Variants in CASK observed in about 807,000 individuals in gnomAD.
CASK encodes the protein peripheral plasma membrane protein CASK.
CASK carries 4 observed loss-of-function variants against 82.9 expected under a neutral mutation model. The ratio of observed to expected loss-of-function variants is 0.05; its 90% confidence interval spans 0.02 to 0.11. The LOEUF (loss-of-function observed/expected upper bound fraction) is 0.11, where lower values mean the gene tolerates loss of function less well. Ranked by LOEUF, CASK falls within the 10% of genes least tolerant of loss-of-function variation. The pLI is 1.00. For missense variants in CASK, 358 were observed against 720.9 expected (o/e 0.50, Z 5.76); for synonymous variants, 259 against 253.5 (o/e 1.02, Z -0.20).
At chrX:41,893,159 G>A (rs2072205308) in intron 1 of CASK, among the ~76,000 whole-genome samples, 1 of 112,037 alleles carries the variant, frequency 8.9e-6, no homozygotes, top group South Asian at 3.7e-4. Context: ...ATGGCGGAGT[G>A]AGGACCTCAG....
chrX:41,589,538 C>T lies in CASK; in HGVS notation c.1210G>A (p.Asp404Asn), dbSNP rs762462874. ...SSPQIRNPPSDAVQRAKEVLE... is the reference protein window; with the variant it reads ...SSPQIRNPPSNAVQRAKEVLE... ...ACCTCTTTGGCTCTCTGTACTGCAT[C>T]GCTTGGAGGATTCCTGATTTGTGGT... The change falls in exon 13 of 27, where the codon GAT (aspartate) becomes AAT (asparagine). Residue 404 changes from aspartate to asparagine, a missense_variant. Around this residue, in one of 5 missense-constraint regions of CASK, gnomAD observed 110 missense variants for 218.8 expected, o/e 0.50. Transcript: ENST00000378163. 39 of 1,201,097 alleles carry T rather than the reference C, an allele frequency of 3.2e-5. No individual in the cohort carries two copies. Among genetic ancestry groups the T allele is most frequent in the Non-Finnish European group, 4.4e-5 (39 of 887,200 alleles).
intron 5 of CASK, among the ~76,000 whole-genome samples, chrX:41,708,876 C>T (rs1425884408): frequency 9.1e-6 from 1 of 110,252 alleles, no homozygotes; most frequent in Non-Finnish European, 1.9e-5. Flanking sequence ...TTTTTTTCTC[C>T]AGATATTTCT....
At chrX:41,776,769 T>C (rs2069372921) in intron 3 of CASK, among the ~76,000 whole-genome samples, 1 of 112,446 alleles carries the variant, frequency 8.9e-6, no homozygotes, top group Non-Finnish European at 1.9e-5. Context: ...TAAAACTTTA[T>C]TGCAAGAAAT....
At chrX:41,739,578 A>G (rs2068560575) in intron 4 of CASK, 122 bp from the exon 5 acceptor site, 2 of 501,905 alleles carry the variant, frequency 4.0e-6, no homozygotes, top group Middle Eastern at 1.1e-3. Context: ...ATTTGATTTG[A>G]GCAGACAGGA....
chrX:41,578,172 T>C (rs868033135), intron 15 of CASK, among the ~76,000 whole-genome samples, 168 bp downstream of exon 15: 1 of 111,363 alleles, frequency 9.0e-6, no homozygotes, highest in Admixed American at 9.6e-5. Context: ...GGCAGAACAA[T>C]TCTAGAAAAG....
At chrX:41,785,450 G>A (rs768595299) in intron 3 of CASK, among the ~76,000 whole-genome samples, 4 of 112,048 alleles carry the variant, frequency 3.6e-5, no homozygotes, top group Admixed American at 9.5e-5. Flanking sequence ...CAGGGTGAAC[G>A]GGAGGAGTAT....
intron 3 of CASK, among the ~76,000 whole-genome samples, chrX:41,768,339 T>C (rs781313685): frequency 8.9e-6 from 1 of 112,023 alleles, no homozygotes; most frequent in African/African-American, 3.2e-5. Flanking sequence ...GGTGTGGGTA[T>C]GCTTTAGGCT....
intron 16 of CASK, chrX:41,562,402 CTCTGCA>C (rs1401326189): frequency 2.7e-5 from 3 of 111,897 alleles, no homozygotes; most frequent in Admixed American, 9.6e-5. Flanking sequence ...AAAAAGATAC[CTCTGCA>C]TGCAACAATT....
chrX:41,715,757 A>G (rs1211215973), intron 5 of CASK, among the ~76,000 whole-genome samples: 4 of 112,241 alleles, frequency 3.6e-5, no homozygotes, highest in African/African-American at 9.7e-5. Flanking sequence ...GTGCAGAGAT[A>G]GGCTGCATTT....
chrX:41,608,296 C>G (rs750409180), intron 12 of CASK, among the ~76,000 whole-genome samples: 7 of 112,153 alleles, frequency 6.2e-5, no homozygotes, highest in Non-Finnish European at 1.3e-4. Context: ...CATTGTGGAT[C>G]TGTATAAAAA....
chrX:41,862,425 C>T (rs182362360), intron 1 of CASK, among the ~76,000 whole-genome samples: 5 of 108,755 alleles, frequency 4.6e-5, no homozygotes, highest in African/African-American at 1.3e-4. Context: ...CCTGTAATCC[C>T]GGCTACTTGG....
At chrX:41,814,303 T>C (rs1489552015) in intron 2 of CASK, among the ~76,000 whole-genome samples, 1 of 111,614 alleles carries the variant, frequency 9.0e-6, no homozygotes, top group Non-Finnish European at 1.9e-5. Context: ...AGTATGTTTA[T>C]TGCGGCACTA....
chrX:41,727,110 T>A (rs757228319), intron 5 of CASK: 1 of 1,176,234 alleles, frequency 8.5e-7, no homozygotes, highest in Non-Finnish European at 1.2e-6. Flanking sequence ...TTTGTATTGT[T>A]GGTGTTTTTG....
At chrX:41,743,883 G>A (rs1311281472) in intron 4 of CASK, 38 of 262,081 alleles carry the variant, frequency 1.4e-4, no homozygotes, top group Non-Finnish European at 2.0e-5. Flanking sequence ...TGAGGCGTGC[G>A]GATCACTTGA....
In CASK at chrX:41,529,239, TG is replaced by T. The variant is rs778909096; in HGVS notation, c.2520+1767del. Among the ~76,000 whole-genome samples the T allele has an allele frequency of 3.3e-4, 37 of 111,176 alleles. No homozygotes were observed. In the South Asian group the frequency reaches 5.7e-3, roughly 17 times the overall value. On this transcript the variant is annotated intron_variant, in intron 25 of 26. Coordinates refer to ENST00000378163, the MANE Select transcript of CASK (RefSeq NM_001367721.1). Reference sequence around the variant, plus strand: ...GCCCAGCCGGGGTGAGGAGGTGCTTTGGGGCCAAGTGCAATGGGTAAAAGTA... The same window carrying T: ...GCCCAGCCGGGGTGAGGAGGTGCTTTGGGCCAAGTGCAATGGGTAAAAGTA...
At chrX:41,749,376 ATTTTTTTT>A (rs35045589) in intron 3 of CASK, among the ~76,000 whole-genome samples, 1 of 72,385 alleles carries the variant, frequency 1.4e-5, no homozygotes, top group East Asian at 3.4e-4. Flanking sequence ...TTCTTCACCA[ATTTTTTTT>A]TTTTTTTTTT....
chrX:41,781,879 T>A (rs2147819971), intron 3 of CASK, among the ~76,000 whole-genome samples: 1 of 112,062 alleles, frequency 8.9e-6, no homozygotes, highest in Non-Finnish European at 1.9e-5. Context: ...TATTTCTAGT[T>A]TGCTTCTGGC....
chrX:41,781,373 T>A (rs2069472021), intron 3 of CASK, among the ~76,000 whole-genome samples: 1 of 112,777 alleles, frequency 8.9e-6, no homozygotes, highest in African/African-American at 3.2e-5. Context: ...GGACACCATA[T>A]TAAGAAACTC....
intron 1 of CASK, among the ~76,000 whole-genome samples, chrX:41,899,903 C>G: frequency 9.0e-6 from 1 of 111,419 alleles, no homozygotes; most frequent in Non-Finnish European, 1.9e-5. Context: ...CCTTTTGTTT[C>G]AACTTGAAGA....
Sources: gnomAD v4.1 joint callset for allele counts (sites outside exome capture counted in the v4.1 genomes callset) on GRCh38, gnomAD v4.1.1 for gene constraint, gnomAD v4.1.1 regional missense constraint, MANE v1.5 for transcripts, NCBI Gene and HGNC (gene_info 2026-07-23, HGNC 2026-07-21) for gene names.